PACRG: variants seen among roughly 807,000 people sequenced by gnomAD.
The protein encoded by PACRG is parkin coregulated gene protein.
PACRG carries 29 observed loss-of-function variants against 29.7 expected under a neutral mutation model. The ratio of observed to expected loss-of-function variants is 0.98; its 90% CI spans 0.73 to 1.33. The LOEUF is 1.33. Among genes scored for constraint, PACRG ranks in the 40% most tolerant of loss-of-function variants. The probability of loss-of-function intolerance (pLI) is 0.00; values close to 1 mark genes in which losing one functional copy is unlikely to be tolerated. For missense variants in PACRG, 279 were observed against 316.2 expected (o/e 0.88, Z 0.89); for synonymous variants, 116 against 118.7 (o/e 0.98, Z 0.15).
intron 2 of PACRG, among the ~76,000 whole-genome samples, chr6:162,816,199 A>G (rs1787325502): frequency 6.6e-6 from 1 of 152,198 alleles, no homozygotes; most frequent in African/African-American, 2.4e-5. Context: ...AATAAAAAGA[A>G]GAAACAATTT....
At chr6:163,197,171 C>T (rs1304186204) in intron 4 of PACRG, among the ~76,000 whole-genome samples, 2 of 152,026 alleles carry the variant, frequency 1.3e-5, no homozygotes, top group Admixed American at 6.5e-5. Context: ...TGTGTCAATA[C>T]CTGATTTTTT....
chr6:162,820,354 ATC>A (rs1787739088), intron 2 of PACRG, among the ~76,000 whole-genome samples: 1 of 152,132 alleles, frequency 6.6e-6, no homozygotes, highest in African/African-American at 2.4e-5. Context: ...AACTATAAAA[ATC>A]TCTGTCAATG....
Position 162,874,227 on chromosome 6 carries a change from A to T in PACRG, c.291+59946A>T, listed in dbSNP as rs145733027. Among the ~76,000 whole-genome samples, 199 of 151,414 alleles carry T rather than the reference A, an allele frequency of 1.3e-3. 2 individuals carry two copies. The highest frequency in any genetic ancestry group is 4.4e-3 in the African/African-American group (182 of 41,306). On this transcript the variant is annotated intron_variant, in intron 2 of 4. Transcript: ENST00000366888. ...AATAGTTGAGTTTTTTTGTAACTTT[A>T]CTTCCTCCCCTCCAAATTCTGAGAT...
At chr6:163,218,118 A>C (rs1484330274) in intron 4 of PACRG, among the ~76,000 whole-genome samples, 2 of 152,104 alleles carry the variant, frequency 1.3e-5, no homozygotes, top group Non-Finnish European at 2.9e-5. Flanking sequence ...TTTGCGAATA[A>C]ATTAGCTTCC....
At chr6:163,115,246 G>T (rs547791701) in intron 4 of PACRG, among the ~76,000 whole-genome samples, 2 of 152,164 alleles carry the variant, frequency 1.3e-5, no homozygotes, top group Non-Finnish European at 2.9e-5. Flanking sequence ...TACTGGGCTG[G>T]ATTCTGTGGG....
At chr6:162,775,577 TAA>T (rs762456601) in intron 1 of PACRG, among the ~76,000 whole-genome samples, 19 of 152,330 alleles carry the variant, frequency 1.2e-4, no homozygotes, top group East Asian at 3.9e-4. Context: ...ATAAATAGCA[TAA>T]GAGAGATTTA....
intron 4 of PACRG, among the ~76,000 whole-genome samples, chr6:163,233,100 C>G (rs555087996): frequency 6.6e-6 from 1 of 152,252 alleles, no homozygotes; most frequent in Non-Finnish European, 1.5e-5. Context: ...TTACAGAACA[C>G]GCTCAGCAGG....
At chr6:163,073,939 G>A (rs894644831) in intron 3 of PACRG, among the ~76,000 whole-genome samples, 3 of 152,054 alleles carry the variant, frequency 2.0e-5, no homozygotes, top group African/African-American at 7.2e-5. Context: ...GCAAATGTTG[G>A]TGAGGAAAAG....
intron 3 of PACRG, among the ~76,000 whole-genome samples, chr6:163,070,048 T>G (rs573266): frequency 0.5 from 76,059 of 151,892 alleles, 21,973 homozygotes; most frequent in East Asian, 0.96. Context: ...TTTTAACCTG[T>G]AATATATCCA....
chr6:162,966,477 AT>A (rs67914954), intron 2 of PACRG, among the ~76,000 whole-genome samples: 90,897 of 125,030 alleles, frequency 0.73, 33,416 homozygotes, highest in Middle Eastern at 0.86. Context: ...AATGACATGT[AT>A]TTTTTTTTTT....
intron 2 of PACRG, among the ~76,000 whole-genome samples, chr6:162,963,390 C>T (rs908810125): frequency 9.9e-5 from 15 of 152,120 alleles, no homozygotes; most frequent in African/African-American, 3.6e-4. Flanking sequence ...ATAAAACTCT[C>T]ATGGGTCACA....
chr6:163,085,939 C>T (rs1320313955), intron 3 of PACRG, among the ~76,000 whole-genome samples: 1 of 152,202 alleles, frequency 6.6e-6, no homozygotes, highest in Non-Finnish European at 1.5e-5. Context: ...GTAATGCATG[C>T]ACTCTCAATA....
chr6:162,945,765 C>T (rs1308058715), intron 2 of PACRG, among the ~76,000 whole-genome samples: 2 of 152,084 alleles, frequency 1.3e-5, no homozygotes, highest in African/African-American at 4.8e-5. Flanking sequence ...CAAGTCTCAA[C>T]AAATTTTTTA....
intron 2 of PACRG, among the ~76,000 whole-genome samples, chr6:163,060,047 A>G (rs1341677044): frequency 1.3e-5 from 2 of 152,194 alleles, no homozygotes; most frequent in African/African-American, 4.8e-5. Context: ...CAAAAAAGTA[A>G]ATAGAACATA....
chr6:162,892,970 C>T (rs944005543), intron 2 of PACRG, among the ~76,000 whole-genome samples: 1 of 149,546 alleles, frequency 6.7e-6, no homozygotes, highest in African/African-American at 2.5e-5. Context: ...GCCTCAAGAG[C>T]CTCGGCCCAC....
chr6:162,944,271 A>T (rs1402588611), intron 2 of PACRG, among the ~76,000 whole-genome samples: 2 of 152,242 alleles, frequency 1.3e-5, no homozygotes, highest in East Asian at 3.8e-4. Flanking sequence ...TCCAGAATCA[A>T]AGCCAAAGTG....
chr6:162,735,993 T>G (rs1452156063), intron 1 of PACRG, among the ~76,000 whole-genome samples: 1 of 152,206 alleles, frequency 6.6e-6, no homozygotes, highest in African/African-American at 2.4e-5. Flanking sequence ...TAAGAGTCAG[T>G]ATATTTATCA....
Position 163,017,557 on chromosome 6 carries a change from G to A in PACRG, c.292-44593G>A, listed in dbSNP as rs572867352. The stretch of plus-strand genomic sequence containing the variant: ...TAATTCCACACTTGTCTCTTGTAAG[G>A]CATACTCTGGGTCCTTTTCACGTGA... On this transcript the variant is annotated intron_variant, in intron 2 of 4. Transcript: ENST00000366888. Among the ~76,000 whole-genome samples the A allele has an allele frequency of 2.6e-5, 4 of 152,260 alleles. No individual in the cohort carries two copies. In the South Asian group the frequency reaches 8.3e-4, roughly 32 times the overall value.
chr6:162,981,305 A>ATATATATATATATTTTTTTTT (rs925663285), intron 2 of PACRG, among the ~76,000 whole-genome samples: 106 of 149,158 alleles, frequency 7.1e-4, no homozygotes, highest in African/African-American at 2.3e-3. Context: ...ATATATATAT[A>ATATATATATATATTTTTTTTT]TTTACAATGG....
Sources: allele counts gnomAD v4.1 joint callset (sites outside exome capture counted in the v4.1 genomes callset), GRCh38; gene constraint gnomAD v4.1.1; transcripts MANE v1.5; gene names NCBI Gene and HGNC (gene_info 2026-07-23, HGNC 2026-07-21).